The following SEC24D variants were observed in gnomAD, a reference collection of about 807,000 sequenced individuals.
SEC24D encodes SEC24 homolog D, COPII component.
SEC24D carries 69 observed loss-of-function variants against 116.9 expected under a neutral mutation model. The ratio of observed to expected loss-of-function variants is 0.59; its 90% CI spans 0.49 to 0.72. The LOEUF (loss-of-function observed/expected upper bound fraction) is 0.72, where lower values mean the gene tolerates loss of function less well. Among genes scored for constraint, SEC24D ranks in the 30% least tolerant of loss-of-function variants. The pLI, the probability that SEC24D is intolerant of heterozygous loss-of-function variation, is 0.00. For missense variants in SEC24D, 1,131 were observed against 1,264.1 expected (o/e 0.89, Z 1.60); for synonymous variants, 405 against 442.8 (o/e 0.91, Z 1.07).
At chr4:118,747,437 T>A (rs188928784) in intron 13 of SEC24D, among the ~76,000 whole-genome samples, 31 of 152,140 alleles carry the variant, frequency 2.0e-4, no homozygotes, top group African/African-American at 7.5e-4. Flanking sequence ...CAGCTATTTT[T>A]GTATTTTTAG....
intron 4 of SEC24D, among the ~76,000 whole-genome samples, chr4:118,816,532 G>C (rs1222263778): frequency 1.3e-5 from 2 of 152,202 alleles, no homozygotes; most frequent in Admixed American, 6.5e-5. Context: ...ATTGGAAATA[G>C]CTGTAAAACC....
In SEC24D at chr4:118,791,271, T is replaced by C. The variant is rs145871751; in HGVS notation, c.1041+6412A>G. On this transcript the variant is annotated intron_variant, in intron 8 of 22. Coordinates refer to ENST00000280551, the MANE Select transcript of SEC24D (RefSeq NM_014822.4). ...CCAAGGAGAGATTTCAGAGAGGTGTTTGGATATGTGAGTATGGGACTGAAA... is the reference window on the plus strand; with the variant it reads ...CCAAGGAGAGATTTCAGAGAGGTGTCTGGATATGTGAGTATGGGACTGAAA... Among the ~76,000 whole-genome samples the C allele has an allele frequency of 8.7e-3, 1,321 of 152,060 alleles. 9 individuals are homozygous for C. Among genetic ancestry groups the C allele is most frequent in the Non-Finnish European group, 0.013 (902 of 67,972 alleles).
chr4:118,750,574 TTAGAG>T (rs1726772471), intron 13 of SEC24D, among the ~76,000 whole-genome samples: 1 of 152,190 alleles, frequency 6.6e-6, no homozygotes, highest in South Asian at 2.1e-4. Context: ...TCCTAACTTC[TTAGAG>T]TAGAAAGACT....
At chr4:118,833,507 C>T in intron 2 of SEC24D, 72 bp downstream of exon 2, 1 of 1,030,782 alleles carries the variant, frequency 9.7e-7, no homozygotes, top group Non-Finnish European at 1.5e-6. Context: ...CAAATCTCCT[C>T]TTTCAGAACA....
At chr4:118,814,504 C>T (rs764010614) in intron 6 of SEC24D, among the ~76,000 whole-genome samples, 23 of 152,116 alleles carry the variant, frequency 1.5e-4, no homozygotes, top group Admixed American at 2.6e-4. Context: ...AATGGCCTTG[C>T]AAAGCTTGAC....
chr4:118,810,115 TGTGTG>T (rs1560736975), intron 6 of SEC24D, among the ~76,000 whole-genome samples: 16 of 149,216 alleles, frequency 1.1e-4, no homozygotes, highest in African/African-American at 3.7e-4. Flanking sequence ...TGTGTGTGTG[TGTGTG>T]TGTGTGTGTG....
At chr4:118,737,012 C>T (rs946183774) in intron 19 of SEC24D, among the ~76,000 whole-genome samples, 1 of 152,148 alleles carries the variant, frequency 6.6e-6, no homozygotes, top group Admixed American at 6.5e-5. Context: ...AATGAATGTC[C>T]AGAGAGGACA....
chr4:118,832,473 C>T (rs1166887487), intron 2 of SEC24D, among the ~76,000 whole-genome samples: 1 of 151,982 alleles, frequency 6.6e-6, no homozygotes, highest in East Asian at 1.9e-4. Flanking sequence ...GTGGAGATTA[C>T]CAAGCATAGT....
At position 118,757,831 on chromosome 4, in the gene SEC24D, G is replaced by A. The variant is rs369529438; in HGVS notation, c.1311C>T (p.Pro437=). 1 of 1,608,518 alleles carries A rather than the reference G, an allele frequency of 6.2e-7. No homozygotes were observed. The highest frequency in any genetic ancestry group is 1.3e-5 in the African/African-American group (1 of 74,520). Reference sequence around the variant, plus strand: ...TCATGAAGATAAAGGCTGGTGGGTTGGGAGGCTTACTCTTCTATAGGAAAG... The same window carrying A: ...TCATGAAGATAAAGGCTGGTGGGTTAGGAGGCTTACTCTTCTATAGGAAAG... The part of the protein sequence containing the change: ...TLDYCRKSKP[P]NPPAFIFMID... Residue 437 remains proline, a synonymous_variant, in exon 11 of 23, where the codon CCC becomes CCT. Coordinates refer to ENST00000280551, the MANE Select transcript of SEC24D (RefSeq NM_014822.4).
At chr4:118,813,385 AT>A (rs1358536291) in intron 6 of SEC24D, among the ~76,000 whole-genome samples, 13 of 152,208 alleles carry the variant, frequency 8.5e-5, no homozygotes, top group Admixed American at 7.2e-4. Flanking sequence ...AAGAAAAGAC[AT>A]TTATTTCTTA....
chr4:118,769,882 A>T (rs1356572071), intron 8 of SEC24D: 2 of 152,194 alleles, frequency 1.3e-5, no homozygotes, highest in Non-Finnish European at 2.9e-5. Flanking sequence ...GGTGAGTAAT[A>T]CATGTGCAGT....
At chr4:118,724,548 GTTAAA>G (rs1411149005) in intron 22 of SEC24D, among the ~76,000 whole-genome samples, 2 of 152,024 alleles carry the variant, frequency 1.3e-5, no homozygotes, top group Non-Finnish European at 2.9e-5. Flanking sequence ...GATATACTGG[GTTAAA>G]TTAATTATTT....
Position 118,728,553 on chromosome 4 carries a change from T to A in SEC24D, c.2958+8A>T, listed in dbSNP as rs1311374340. ...TGAATAAAGGGAAAAATAAAATTGCTTTCTTACCTTCATTGAATATGGCCT... is the reference window on the plus strand; with the variant it reads ...TGAATAAAGGGAAAAATAAAATTGCATTCTTACCTTCATTGAATATGGCCT... On this transcript the variant is annotated splice_region_variant and intron_variant, in intron 22 of 22. Coordinates refer to ENST00000280551, the MANE Select transcript of SEC24D (RefSeq NM_014822.4). The A allele has an allele frequency of 6.4e-7, 1 of 1,557,776 alleles. No individual in the cohort carries two copies. Among genetic ancestry groups the A allele is most frequent in the Non-Finnish European group, 8.8e-7 (1 of 1,136,900 alleles).
intron 8 of SEC24D, among the ~76,000 whole-genome samples, chr4:118,791,669 C>A (rs1475455476): frequency 6.6e-6 from 1 of 152,092 alleles, no homozygotes; most frequent in East Asian, 1.9e-4. Context: ...GGATTGCAGG[C>A]ACGCGCCGCC....
Position 118,740,556 on chromosome 4 carries a change from AT to A in SEC24D, c.2238+106del, listed in dbSNP as rs1041992992. 1.5e-5 allele frequency: 19 copies of A among 1,308,822 alleles called. No individual in the cohort carries two copies. The Admixed American group carries it at 4.1e-4, about 28-fold the overall frequency. The allele number at this position is 1,308,822 out of a possible 1,614,324, so 81.1% of individuals were successfully genotyped here. Reference sequence around the variant, plus strand: ...CTTTTGACTTTGGAGAAAGAGTTGAATTTTTTTATGAAGAGACTAACACATT... The same window carrying A: ...CTTTTGACTTTGGAGAAAGAGTTGAATTTTTTATGAAGAGACTAACACATT... On this transcript the variant is annotated intron_variant, in intron 17 of 22. Transcript: ENST00000280551.
chr4:118,732,529 C>T (rs1725745003), intron 20 of SEC24D, among the ~76,000 whole-genome samples: 1 of 152,202 alleles, frequency 6.6e-6, no homozygotes, highest in Non-Finnish European at 1.5e-5. Flanking sequence ...TCCCTCCCCT[C>T]ACCATAGTGA....
chr4:118,739,162 G>T lies in SEC24D; in HGVS notation c.2364C>A (p.Phe788Leu), dbSNP rs762711008. The T allele has an allele frequency of 1.9e-6, 3 of 1,613,486 alleles. No individual in the cohort carries two copies. In the South Asian group the frequency reaches 3.3e-5, roughly 18 times the overall value. ...KSCETDALIN[F>L]FAKSAFKAVL... ...GCAAAGTGTTACCTGACTTGGCAAA[G>T]AAGTTGATAAGAGCATCTGTCTCAC... The change falls in exon 18 of 23, where the codon TTC (phenylalanine) becomes TTA (leucine). Residue 788 changes from phenylalanine to leucine, a missense_variant. By Grantham distance (22) the Phe-to-Leu change is conservative. Coordinates refer to ENST00000280551, the MANE Select transcript of SEC24D (RefSeq NM_014822.4).
intron 22 of SEC24D, among the ~76,000 whole-genome samples, chr4:118,725,075 A>G (rs1314670103): frequency 1.5e-5 from 2 of 136,990 alleles, no homozygotes; most frequent in Non-Finnish European, 3.4e-5. Flanking sequence ...TTTTTCCTTT[A>G]TAACGTTTCG....
intron 7 of SEC24D, among the ~76,000 whole-genome samples, chr4:118,800,733 T>C (rs548124754): frequency 6.6e-6 from 1 of 152,320 alleles, no homozygotes; most frequent in African/African-American, 2.4e-5. Context: ...AATAACTCTA[T>C]GGATTAATAT....
Sources: allele counts gnomAD v4.1 joint callset (sites outside exome capture counted in the v4.1 genomes callset), GRCh38; gene constraint gnomAD v4.1.1; transcripts MANE v1.5; gene names NCBI Gene and HGNC (gene_info 2026-07-23, HGNC 2026-07-21).